SND1: variants seen among roughly 807,000 people sequenced by gnomAD.
SND1 encodes staphylococcal nuclease domain-containing protein 1.
Under a neutral mutation model 121.7 loss-of-function variants are expected in SND1, and 38 were observed. The observed-to-expected ratio is 0.31, with a 90% CI of 0.24 to 0.41. The LOEUF (loss-of-function observed/expected upper bound fraction) is 0.41. Among genes scored for constraint, SND1 ranks in the 10% least tolerant of loss-of-function variants. The pLI, the probability that SND1 is intolerant of heterozygous loss-of-function variation, is 1.00. For synonymous variants in SND1, 401 were observed against 447.4 expected, an observed-to-expected ratio of 0.90 and a Z score of 1.31; for missense variants, 868 against 1,184.6, an observed-to-expected ratio of 0.73 and a Z score of 3.92.
rs535618224 is a variant in SND1 at position 128,092,299 on chromosome 7, G to A, written c.*241G>A. 5.3e-5 allele frequency: 26 copies of A among 486,086 alleles called. No homozygotes were observed. The South Asian group carries it at 9.6e-4, about 18-fold the overall frequency. 30.1% of individuals were successfully genotyped at this position (486,086 alleles called of 1,614,324 possible). A position where few individuals can be genotyped will look rare whatever the true frequency, so the allele number is the denominator to read the frequency against. On this transcript the variant is annotated 3_prime_UTR_variant, in exon 24 of 24. Transcript: ENST00000354725. This position sits in a 1 kb window ranked among gnomAD's most constrained non-coding sequence, Gnocchi z 4.9. ...TGCTATCCACAGTCTCTGCCAGTTG[G>A]TTTTATTTGGAGGTTTGTGGGCTTT...
chr7:127,850,653 C>A (rs1397906976), intron 12 of SND1, among the ~76,000 whole-genome samples: 1 of 152,158 alleles, frequency 6.6e-6, no homozygotes. Context: ...AAATCAGTAA[C>A]AAACCACTAA....
At chr7:127,960,483 G>A (rs901109228) in intron 15 of SND1, among the ~76,000 whole-genome samples, 3 of 152,190 alleles carry the variant, frequency 2.0e-5, no homozygotes, top group African/African-American at 7.2e-5. Context: ...AAGAAAGCAA[G>A]CATTGAATTA....
At chr7:128,083,002 A>G (rs546301908) in intron 18 of SND1, among the ~76,000 whole-genome samples, 1 of 152,186 alleles carries the variant, frequency 6.6e-6, no homozygotes, top group African/African-American at 2.4e-5. Context: ...CCACCTGGGG[A>G]TTTGTGGTGG....
At chr7:127,810,506 G>T (rs1798317277) in intron 11 of SND1, among the ~76,000 whole-genome samples, 1 of 152,130 alleles carries the variant, frequency 6.6e-6, no homozygotes, top group South Asian at 2.1e-4. Context: ...TTCTTCACAG[G>T]CTCATCATGA....
Position 128,084,755 on chromosome 7 carries a change from G to T in SND1, c.2142G>T (p.Met714Ile). The T allele has an allele frequency of 3.1e-6, 5 of 1,610,094 alleles. No individual in the cohort carries two copies. Among genetic ancestry groups the T allele is most frequent in the Non-Finnish European group, 4.2e-6 (5 of 1,177,630 alleles). Residue 714 changes from methionine (M) to isoleucine (I), a missense_variant, in exon 19 of 24, where the codon ATG (methionine) becomes ATT (isoleucine). Transcript: ENST00000354725. ...AGTTGGAGAAGCTGATGGAGAACAT[G>T]CGCAATGACATTGCCAGTCACCCCC... Reference protein sequence around the residue: ...GTQLEKLMENMRNDIASHPPV... With the variant: ...GTQLEKLMENIRNDIASHPPV...
intron 10 of SND1, among the ~76,000 whole-genome samples, chr7:127,722,386 A>G (rs573139968): frequency 2.0e-4 from 30 of 149,890 alleles, no homozygotes; most frequent in African/African-American, 7.1e-4. Flanking sequence ...AGGTGTGATC[A>G]TTGCGCCCTG....
At chr7:128,030,585 A>G in intron 16 of SND1, 1 of 1,602,238 alleles carries the variant, frequency 6.2e-7, no homozygotes, top group Non-Finnish European at 8.5e-7. Context: ...GACGAACGGG[A>G]GCAGGATGGC....
chr7:127,661,840 G>A (rs1795316780), intron 1 of SND1, among the ~76,000 whole-genome samples: 1 of 152,122 alleles, frequency 6.6e-6, no homozygotes, highest in African/African-American at 2.4e-5. Flanking sequence ...CCCTAGCTGG[G>A]CATGGTGGCC....
At chr7:127,679,846 T>C (rs1335743452) in intron 1 of SND1, among the ~76,000 whole-genome samples, 4 of 152,224 alleles carry the variant, frequency 2.6e-5, no homozygotes, top group Admixed American at 6.5e-5. Flanking sequence ...TTGATGAACA[T>C]TTATTGTTTT....
At chr7:127,975,574 C>T (rs542336766) in intron 15 of SND1, among the ~76,000 whole-genome samples, 1 of 152,148 alleles carries the variant, frequency 6.6e-6, no homozygotes, top group East Asian at 1.9e-4. Flanking sequence ...TGACAGAGAG[C>T]AGGATTAAGA....
Position 128,092,194 on chromosome 7 carries a change from CGTGGGGTGGCATCGGGGCT to C in SND1, c.*138_*156del. ...TTTGCTTCAGTGTGTGGAAATGTCTCGTGGGGTGGCATCGGGGCTGCGGGGTGGGGACCCCAAGGCTTTC... is the reference window on the plus strand; with the variant it reads ...TTTGCTTCAGTGTGTGGAAATGTCTCGCGGGGTGGGGACCCCAAGGCTTTC... On this transcript the variant is annotated 3_prime_UTR_variant, in exon 24 of 24. Transcript: ENST00000354725. The surrounding 1 kb of genome is among the most constrained non-coding windows in gnomAD (Gnocchi z 4.9). The C allele has an allele frequency of 2.1e-6, 2 of 943,570 alleles. No individual in the cohort carries two copies. The highest frequency in any genetic ancestry group is 3.2e-6 in the Non-Finnish European group (2 of 618,008). The allele number at this position is 943,570 out of a possible 1,614,324, so 58.4% of individuals were successfully genotyped here.
At chr7:128,064,796 G>A (rs974522678) in intron 16 of SND1, among the ~76,000 whole-genome samples, 1 of 152,194 alleles carries the variant, frequency 6.6e-6, no homozygotes, top group Non-Finnish European at 1.5e-5. Context: ...AAAGCAGGGA[G>A]AAAAAGCCAA....
chr7:128,074,472 C>A (rs961976081), intron 16 of SND1, 30 bp from the exon 17 acceptor site: 5 of 1,584,466 alleles, frequency 3.2e-6, no homozygotes, highest in Non-Finnish European at 4.3e-6. Flanking sequence ...GCCTGGCCCC[C>A]ACAGGCTTAC....
intron 11 of SND1, among the ~76,000 whole-genome samples, chr7:127,821,666 G>A (rs2116606043): frequency 6.6e-6 from 1 of 151,848 alleles, no homozygotes; most frequent in South Asian, 2.1e-4. Flanking sequence ...TTTGTTTTAT[G>A]TAACATAACT....
At chr7:127,665,414 C>G (rs1340973864) in intron 1 of SND1, among the ~76,000 whole-genome samples, 1 of 152,108 alleles carries the variant, frequency 6.6e-6, no homozygotes, top group Non-Finnish European at 1.5e-5. Context: ...GTGTCAATCT[C>G]CTGACCTCGT....
At chr7:127,758,661 A>T (rs1797242350) in intron 10 of SND1, among the ~76,000 whole-genome samples, 1 of 152,186 alleles carries the variant, frequency 6.6e-6, no homozygotes, top group Admixed American at 6.5e-5. Context: ...TTTATAGTAG[A>T]ACCTTGCTAA....
chr7:127,812,999 A>G (rs1262050171), intron 11 of SND1, among the ~76,000 whole-genome samples: 1 of 152,248 alleles, frequency 6.6e-6, no homozygotes, highest in Non-Finnish European at 1.5e-5. Flanking sequence ...TTAATGATCA[A>G]AGCAGGCCCT....
intron 10 of SND1, among the ~76,000 whole-genome samples, chr7:127,786,820 T>C (rs994165515): frequency 2.6e-5 from 4 of 152,164 alleles, no homozygotes; most frequent in African/African-American, 9.7e-5. Context: ...ATTTTTGTAT[T>C]TTTAGTAGAG....
At chr7:127,724,312 G>A (rs1481984498) in intron 10 of SND1, among the ~76,000 whole-genome samples, 1 of 152,216 alleles carries the variant, frequency 6.6e-6, no homozygotes, top group East Asian at 1.9e-4. Context: ...GAGATATTAG[G>A]AATTAGCTAG....
Sources: allele counts gnomAD v4.1 joint callset (sites outside exome capture counted in the v4.1 genomes callset), GRCh38; gene constraint gnomAD v4.1.1; non-coding constraint Gnocchi (gnomAD v3.1); transcripts MANE v1.5; gene names NCBI Gene and HGNC (gene_info 2026-07-23, HGNC 2026-07-21).